The following ZNF454 variants were observed in gnomAD, a reference collection of about 807,000 sequenced individuals.
ZNF454 encodes zinc finger protein 454.
A neutral mutation model predicts 48.2 loss-of-function variants in ZNF454; 30 were observed. That is an observed-to-expected ratio of 0.62 (90% CI 0.47 to 0.84). The LOEUF is 0.84. Among genes scored for constraint, ZNF454 ranks in the 40% least tolerant of loss-of-function variants. The pLI, the probability that ZNF454 is intolerant of heterozygous loss-of-function variation, is 0.00. For missense variants in ZNF454, 510 were observed against 623.1 expected (o/e 0.82, Z 1.93); for synonymous variants, 204 against 211.4 (o/e 0.97, Z 0.30).
At chr5:178,971,397 G>GTGGTGGGCGCCTGT (rs1760230550), downstream of ZNF454, among the ~76,000 whole-genome samples, 1 of 152,144 alleles carries the variant, frequency 6.6e-6, no homozygotes, top group African/African-American at 2.4e-5. Context: ...AAGCTATAAG[G>GTGGTGGGCGCCTGT]ATGGGGGTGT....
At chr5:178,985,913 C>A in the ZNF454 span, 2 of 588,352 alleles carry the variant, frequency 3.4e-6, no homozygotes, top group Non-Finnish European at 3.0e-6. Flanking sequence ...AGGCACGCAC[C>A]ACCATGCCTG....
the ZNF454 span, among the ~76,000 whole-genome samples, chr5:178,971,893 G>A: frequency 2.0e-5 from 3 of 151,544 alleles, no homozygotes; most frequent in Non-Finnish European, 2.9e-5. Flanking sequence ...CAGGAAGGGC[G>A]GCTCTGTCTG....
At chr5:178,986,272 G>A in the ZNF454 span, 159 of 1,613,946 alleles carry the variant, frequency 9.9e-5, no homozygotes, top group South Asian at 2.9e-4. Context: ...GCTGAGGGTC[G>A]TGCCCAGGCC....
At position 178,959,730 on chromosome 5, in the gene ZNF454, T is replaced by C. The variant is rs372648497; in HGVS notation, c.251-4925T>C. On this transcript the variant is annotated intron_variant, in intron 4 of 4. Transcript: ENST00000519564. ...ACGCCATTCTGCTGCCTCATCCTCCTGAGTAGCTGGGACTACAGGCGCCCA... is the reference window on the plus strand; with the variant it reads ...ACGCCATTCTGCTGCCTCATCCTCCCGAGTAGCTGGGACTACAGGCGCCCA... Among the ~76,000 whole-genome samples, 593 of 151,746 alleles carry C rather than the reference T, an allele frequency of 3.9e-3. 5 individuals are homozygous for C. The highest frequency in any genetic ancestry group is 0.013 in the African/African-American group (547 of 41,370).
At chr5:178,989,077 C>G in the ZNF454 span, 1 of 1,614,094 alleles carries the variant, frequency 6.2e-7, no homozygotes, top group Non-Finnish European at 8.5e-7. Flanking sequence ...CCGCATCAAT[C>G]ACAAACTGCA....
Position 178,966,136 on chromosome 5 carries a change from A to G in ZNF454, c.*163A>G. The stretch of plus-strand genomic sequence containing the variant: ...TGTCATGGGGTTTGGGCATTTAAGA[A>G]TGGCAAACACTCGGCTGGGCACAGT... On this transcript the variant is annotated 3_prime_UTR_variant, in exon 5 of 5. Coordinates refer to ENST00000519564, the MANE Select transcript of ZNF454 (RefSeq NM_001178089.3). 1 of 646,944 alleles carries G rather than the reference A, an allele frequency of 1.5e-6. No homozygotes were observed. 40.1% of individuals were successfully genotyped at this position (646,944 alleles called of 1,614,324 possible).
chr5:178,981,588 T>C, the ZNF454 span: 16 of 1,261,552 alleles, frequency 1.3e-5, no homozygotes, highest in South Asian at 3.7e-5. The surrounding 1 kb of genome is among the most constrained non-coding windows in gnomAD (Gnocchi z 5.1). Context: ...CCGGGCTCTA[T>C]ACAGCTTCCA....
At chr5:178,967,736 C>CT (rs1760184573), downstream of ZNF454, among the ~76,000 whole-genome samples, 2 of 67,916 alleles carry the variant, frequency 2.9e-5, no homozygotes, top group South Asian at 6.1e-4. Context: ...TTTTCTTTTT[C>CT]TTTTTCTTTT....
intron 4 of ZNF454, among the ~76,000 whole-genome samples, chr5:178,954,177 G>A (rs761766763): frequency 6.6e-4 from 101 of 152,246 alleles, no homozygotes; most frequent in Middle Eastern, 3.4e-3. Context: ...AGAATCACTT[G>A]AACCCAGGAG....
chr5:178,988,345 A>G, the ZNF454 span, among the ~76,000 whole-genome samples: 1 of 152,152 alleles, frequency 6.6e-6, no homozygotes, highest in Non-Finnish European at 1.5e-5. The surrounding 1 kb of genome is among the most constrained non-coding windows in gnomAD (Gnocchi z 6.0). Context: ...GAAGGTGGTG[A>G]GTGAGTGTTC....
the ZNF454 span, among the ~76,000 whole-genome samples, chr5:178,975,163 C>T: frequency 6.6e-6 from 1 of 152,232 alleles, no homozygotes; most frequent in East Asian, 1.9e-4. Flanking sequence ...CAAAAATTAG[C>T]CGGGCTACTC....
At chr5:178,974,551 C>T in the ZNF454 span, among the ~76,000 whole-genome samples, 108,149 of 152,084 alleles carry the variant, frequency 0.71, 38,618 homozygotes, top group East Asian at 0.89. Context: ...ATCTCCTGAC[C>T]TCGTGATCCA....
chr5:178,977,511 T>G, the ZNF454 span: 3 of 401,276 alleles, frequency 7.5e-6, no homozygotes, highest in Non-Finnish European at 1.6e-5. Context: ...GCAGCCTGAA[T>G]AGAGTAAAAC....
At chr5:178,971,416 G>A (rs1481209545), downstream of ZNF454, among the ~76,000 whole-genome samples, 1 of 152,146 alleles carries the variant, frequency 6.6e-6, no homozygotes, top group African/African-American at 2.4e-5. Flanking sequence ...GTCCCTAGGT[G>A]CCTGGTGCTC....
At chr5:178,958,664 G>A (rs1334158403) in intron 4 of ZNF454, among the ~76,000 whole-genome samples, 2 of 152,180 alleles carry the variant, frequency 1.3e-5, no homozygotes, top group East Asian at 1.9e-4. Flanking sequence ...ATAGTTTTCC[G>A]AAGTGGTTAT....
chr5:178,980,080 T>A, the ZNF454 span: 4 of 154,336 alleles, frequency 2.6e-5, no homozygotes, highest in Non-Finnish European at 5.9e-5. This position sits in a 1 kb window ranked among gnomAD's most constrained non-coding sequence, Gnocchi z 4.3. Context: ...GGAGAAGCTT[T>A]TAAGTTAATT....
intron 1 of ZNF454, 123 bp from the exon 2 acceptor site, chr5:178,942,562 G>C: frequency 2.0e-6 from 1 of 508,674 alleles, no homozygotes; most frequent in Non-Finnish European, 3.5e-6. Flanking sequence ...AGAGAGAATG[G>C]GGAGCAAACA....
In ZNF454 at chr5:178,965,276, A is replaced by G; in HGVS notation, c.872A>G (p.His291Arg). The G allele has an allele frequency of 6.2e-7, 1 of 1,614,252 alleles. No individual in the cohort carries two copies. The highest frequency in any genetic ancestry group is 1.1e-5 in the South Asian group (1 of 91,088). Residue 291 changes from histidine to arginine, a missense_variant, in exon 5 of 5, where the codon CAT (histidine) becomes CGT (arginine). By Grantham distance (29) the His-to-Arg change is conservative. Transcript: ENST00000519564. This position sits in a 1 kb window ranked among gnomAD's most constrained non-coding sequence, Gnocchi z 5.2. ...CGAAATATACACCTTGCCCATCATC[A>G]TAGAATACATACTGGAGAGAAACCT... ...FIRNIHLAHH[H>R]RIHTGEKPFK...
chr5:178,976,212 C>T, the ZNF454 span: 9 of 395,922 alleles, frequency 2.3e-5, no homozygotes, highest in East Asian at 7.6e-5. Flanking sequence ...AGCCATCCCC[C>T]GCCAGCTGCC....
Sources: gnomAD v4.1 joint callset for allele counts (sites outside exome capture counted in the v4.1 genomes callset) on GRCh38, gnomAD v4.1.1 for gene constraint, Gnocchi (gnomAD v3.1) non-coding constraint, MANE v1.5 for transcripts, NCBI Gene and HGNC (gene_info 2026-07-23, HGNC 2026-07-21) for gene names.